Variants in BCAS1 observed in about 807,000 individuals in gnomAD.
The protein encoded by BCAS1 is breast carcinoma-amplified sequence 1.
A neutral mutation model predicts 65.4 loss-of-function variants in BCAS1; 46 were observed. The ratio of observed to expected loss-of-function variants is 0.70; its 90% CI spans 0.55 to 0.90. The LOEUF is 0.90. BCAS1 is among the 40% of genes least tolerant of loss of function. The pLI is 0.00. For missense variants in BCAS1, 793 were observed against 771.2 expected (o/e 1.03, Z -0.33); for synonymous variants, 298 against 293.5 (o/e 1.02, Z -0.16).
chr20:53,959,896 G>T (rs547930714), intron 10 of BCAS1, among the ~76,000 whole-genome samples: 5 of 152,264 alleles, frequency 3.3e-5, no homozygotes, highest in East Asian at 1.9e-4. Flanking sequence ...GCTTGAGAAG[G>T]TTTAGAAAAA....
At chr20:54,017,577 G>A (rs905556989) in intron 4 of BCAS1, among the ~76,000 whole-genome samples, 1 of 151,968 alleles carries the variant, frequency 6.6e-6, no homozygotes, top group Non-Finnish European at 1.5e-5. Flanking sequence ...TGTATTTTTA[G>A]TGGAGATGGA....
intron 11 of BCAS1, among the ~76,000 whole-genome samples, chr20:53,954,781 G>A (rs974519986): frequency 1.3e-5 from 2 of 152,206 alleles, no homozygotes; most frequent in Non-Finnish European, 1.5e-5. Context: ...AGCAAGGCTG[G>A]CTTTGATGTT....
chr20:53,944,984 T>C lies in BCAS1; in HGVS notation c.1828A>G (p.Met610Val). 1.2e-6 allele frequency: 2 copies of C among 1,614,112 alleles called. No individual in the cohort carries two copies. The highest frequency in any genetic ancestry group is 8.5e-7 in the Non-Finnish European group (1 of 1,180,010). ...GFFKGLGPKR[M>V]LDAQVQTDPV... ...TCTGTTTGCACTTGAGCATCCAACA[T>C]CCGCTTTGGTCCCTGGAGAAAAACA... The change falls in exon 13 of 13, where the codon ATG becomes GTG. Residue 610 changes from methionine (M) to valine (V), a missense_variant. Coordinates refer to ENST00000688948, the MANE Select transcript of BCAS1 (RefSeq NM_001366298.2).
intron 8 of BCAS1, among the ~76,000 whole-genome samples, chr20:53,980,426 T>C (rs987597789): frequency 6.6e-6 from 1 of 152,214 alleles, no homozygotes; most frequent in African/African-American, 2.4e-5. Context: ...TTAGATGCAA[T>C]TGCACAGAGC....
chr20:53,982,472 C>G (rs1293765645), intron 8 of BCAS1, among the ~76,000 whole-genome samples: 1 of 152,046 alleles, frequency 6.6e-6, no homozygotes, highest in Non-Finnish European at 1.5e-5. Flanking sequence ...ATATCCATAG[C>G]CTGTTCTGGG....
At position 54,034,523 on chromosome 20, in the gene BCAS1, C is replaced by G. The variant is rs1026146369; in HGVS notation, c.143-5551G>C. 7.9e-5 allele frequency among the ~76,000 whole-genome samples: 12 copies of G among 151,150 alleles called. 2 individuals carry two copies. Among genetic ancestry groups the G allele is most frequent in the Admixed American group, 3.3e-4 (5 of 15,130 alleles). ...CCAGGAGCCAAACCAGGAATGCACT[C>G]CCACTCACAATCGCCACAAAAAGAG... On this transcript the variant is annotated intron_variant, in intron 3 of 12. Coordinates refer to ENST00000688948, the MANE Select transcript of BCAS1 (RefSeq NM_001366298.2).
intron 6 of BCAS1, 64 bp downstream of exon 6, chr20:53,994,948 A>ACAAATC (rs780340194): frequency 2.0e-5 from 29 of 1,440,060 alleles, no homozygotes; most frequent in South Asian, 8.1e-5. Flanking sequence ...GCAGGCAGAC[A>ACAAATC]CAAATCCAAA....
chr20:54,068,958 C>T (rs757450434), intron 1 of BCAS1, among the ~76,000 whole-genome samples: 4 of 152,042 alleles, frequency 2.6e-5, no homozygotes, highest in Non-Finnish European at 4.4e-5. Flanking sequence ...TGGGCTTTAA[C>T]GGGCCCATTG....
intron 9 of BCAS1, among the ~76,000 whole-genome samples, chr20:53,969,951 C>A (rs1337080117): frequency 2.0e-5 from 3 of 152,128 alleles, no homozygotes; most frequent in Non-Finnish European, 4.4e-5. Context: ...TAATCATGAT[C>A]AAATACTTTG....
Position 54,028,695 on chromosome 20 carries a change from A to G in BCAS1, c.420T>C (p.Leu140=), listed in dbSNP as rs2091733187. 1.2e-6 allele frequency: 2 copies of G among 1,613,998 alleles called. No individual in the cohort carries two copies. Among genetic ancestry groups the G allele is most frequent in the Non-Finnish European group, 1.7e-6 (2 of 1,180,032 alleles). Residue 140 remains leucine (L), a synonymous_variant, in exon 4 of 13, where the codon CTT becomes CTC. Coordinates refer to ENST00000688948, the MANE Select transcript of BCAS1 (RefSeq NM_001366298.2). ...CCTGCCCCGGTCCAGCTGCCACCGG[A>G]AGTGTCCAGCTCTCACTTGGGTCTT... is the stretch of plus-strand genomic sequence containing the variant. The part of the protein sequence containing the change: ...ANKDPSESWT[L]PVAAGPGQDT...
chr20:53,971,265 C>T (rs1568827632), intron 9 of BCAS1, among the ~76,000 whole-genome samples: 1 of 152,222 alleles, frequency 6.6e-6, no homozygotes, highest in East Asian at 1.9e-4. Flanking sequence ...ATGATTCACC[C>T]ATGCCACTAT....
At chr20:54,051,339 G>A (rs62215590) in intron 3 of BCAS1, among the ~76,000 whole-genome samples, 1 of 152,074 alleles carries the variant, frequency 6.6e-6, no homozygotes, top group South Asian at 2.1e-4. Context: ...AGGGTGATGT[G>A]CTCAACTGTG....
intron 11 of BCAS1, among the ~76,000 whole-genome samples, chr20:53,956,776 A>AT (rs1464599698): frequency 5.3e-5 from 8 of 152,100 alleles, no homozygotes; most frequent in Non-Finnish European, 1.2e-4. Flanking sequence ...ATTTGATGCC[A>AT]TTTTTTGTGG....
intron 11 of BCAS1, among the ~76,000 whole-genome samples, chr20:53,954,549 G>T (rs770106672): frequency 1.4e-4 from 22 of 152,332 alleles, no homozygotes; most frequent in Non-Finnish European, 2.8e-4. Context: ...TAAAAGAGAT[G>T]ATTGTTTTAT....
At chr20:53,990,881 G>A (rs2090739691) in intron 7 of BCAS1, among the ~76,000 whole-genome samples, 1 of 152,184 alleles carries the variant, frequency 6.6e-6, no homozygotes, top group Non-Finnish European at 1.5e-5. Flanking sequence ...TTGTGTCTGT[G>A]TTACAGAATT....
intron 4 of BCAS1, among the ~76,000 whole-genome samples, chr20:54,009,192 A>G (rs6013871): frequency 0.27 from 41,700 of 152,164 alleles, 6,142 homozygotes; most frequent in East Asian, 0.63. Context: ...ATGAAAAAAT[A>G]GAAAGCCCCA....
chr20:54,010,016 A>G (rs2145949583), intron 4 of BCAS1, among the ~76,000 whole-genome samples: 1 of 152,346 alleles, frequency 6.6e-6, no homozygotes, highest in South Asian at 2.1e-4. Context: ...AGTATTCAAC[A>G]AAATTCAATC....
chr20:54,037,797 A>C (rs1316171712), intron 3 of BCAS1, among the ~76,000 whole-genome samples: 1 of 151,104 alleles, frequency 6.6e-6, no homozygotes, highest in Admixed American at 6.6e-5. Flanking sequence ...TCCCAACAAC[A>C]TGTGGTAACC....
At chr20:54,030,933 A>T (rs1291252384) in intron 3 of BCAS1, among the ~76,000 whole-genome samples, 1 of 151,536 alleles carries the variant, frequency 6.6e-6, no homozygotes, top group Admixed American at 6.6e-5. Context: ...AGATGGATGC[A>T]TCAGGGTGTA....
Sources: gnomAD v4.1 joint callset for allele counts (sites outside exome capture counted in the v4.1 genomes callset) on GRCh38, gnomAD v4.1.1 for gene constraint, MANE v1.5 for transcripts, NCBI Gene and HGNC (gene_info 2026-07-23, HGNC 2026-07-21) for gene names.